ZFP28: variants seen among roughly 807,000 people sequenced by gnomAD.
The protein encoded by ZFP28 is ZFP28 zinc finger protein, also known as zinc finger protein 28 homolog.
In ZFP28, 31 loss-of-function variants were observed where a neutral mutation model predicts 39.5. The ratio of observed to expected loss-of-function variants is 0.79; its 90% CI spans 0.59 to 1.06. The LOEUF is 1.06. Among genes scored for constraint, ZFP28 ranks in the 50% least tolerant of loss-of-function variants. The pLI is 0.00. For missense variants in ZFP28, 925 were observed against 1,048.4 expected (o/e 0.88, Z 1.63); for synonymous variants, 400 against 378.6 (o/e 1.06, Z -0.66).
At chr19:56,539,856 A>T (rs2044179729) in intron 2 of ZFP28, 140 bp downstream of exon 2, 2 of 702,962 alleles carry the variant, frequency 2.8e-6, no homozygotes, top group African/African-American at 1.8e-5. Flanking sequence ...TAGTGAAGTG[A>T]TGGGCTACGG....
At chr19:56,550,423 T>A in intron 6 of ZFP28, 87 bp from the exon 7 acceptor site, 1 of 1,196,390 alleles carries the variant, frequency 8.4e-7, no homozygotes, top group Non-Finnish European at 1.2e-6. Flanking sequence ...CTTTCAGCAG[T>A]AACACTTTTC....
At chr19:56,550,849 C>T in intron 7 of ZFP28, 2 of 1,455,052 alleles carry the variant, frequency 1.4e-6, no homozygotes, top group Non-Finnish European at 1.8e-6. Flanking sequence ...GTATCATCCA[C>T]TTGCTTCCTT....
intron 7 of ZFP28, chr19:56,551,049 G>A (rs1301085672): frequency 1.7e-6 from 2 of 1,169,794 alleles, no homozygotes; most frequent in Non-Finnish European, 2.1e-6. Flanking sequence ...ACACATAAAT[G>A]TAAGCCATCA....
rs149009403 is a variant in ZFP28, at chr19:56,551,237, T to A, written c.898+632T>A. 2,175 of 986,938 alleles carry A rather than the reference T, an allele frequency of 2.2e-3. 16 individuals carry two copies. In the South Asian group the frequency reaches 0.032, roughly 14 times the overall value. 61.1% of individuals were successfully genotyped at this position (986,938 alleles called of 1,614,324 possible). On this transcript the variant is annotated intron_variant, in intron 7 of 7. Transcript: ENST00000301318. ...ATTGCAAGAAGGTGGAAGTAAAGGATCTTTTCCTCTTGATGCACAAGGGAA... is the reference window on the plus strand; with the variant it reads ...ATTGCAAGAAGGTGGAAGTAAAGGAACTTTTCCTCTTGATGCACAAGGGAA...
intron 7 of ZFP28, chr19:56,550,999 T>C: frequency 7.6e-7 from 1 of 1,312,198 alleles, no homozygotes; most frequent in Non-Finnish European, 9.7e-7. Context: ...ATTGAGCCAC[T>C]CTGCTGAGTA....
chr19:56,550,252 T>A, intron 6 of ZFP28, 71 bp downstream of exon 6: 1 of 1,413,184 alleles, frequency 7.1e-7, no homozygotes, highest in Non-Finnish European at 9.8e-7. Context: ...AGTTTTGAAT[T>A]ATGGAGGAGG....
intron 1 of ZFP28, 114 bp from the exon 2 acceptor site, chr19:56,539,511 C>T (rs2044175131): frequency 1.1e-6 from 1 of 908,862 alleles, no homozygotes; most frequent in Non-Finnish European, 1.7e-6. Flanking sequence ...TGTGGCAGTC[C>T]CTAGGCAGGG....
In ZFP28 at chr19:56,539,052, C is replaced by G. The variant is rs764610256; in HGVS notation, c.34C>G (p.Pro12Ala). ...RGAASASVRE[P>A]TPLPGRGAPR... ...GGCGGCGAGCGCGAGTGTCCGCGAGCCGACGCCGCTCCCGGGTAGAGGCGC... is the reference window on the plus strand; with the variant it reads ...GGCGGCGAGCGCGAGTGTCCGCGAGGCGACGCCGCTCCCGGGTAGAGGCGC... The change falls in exon 1 of 8, where the codon CCG becomes GCG. Residue 12 changes from proline (P) to alanine (A), a missense_variant. Coordinates refer to ENST00000301318, the MANE Select transcript of ZFP28 (RefSeq NM_020828.2). 17 of 1,498,656 alleles carry G rather than the reference C, an allele frequency of 1.1e-5. No individual in the cohort carries two copies. The East Asian group carries it at 3.9e-4, about 34-fold the overall frequency. 92.8% of individuals were successfully genotyped at this position (1,498,656 alleles called of 1,614,324 possible).
At chr19:56,541,835 T>A (rs142212811) in intron 2 of ZFP28, among the ~76,000 whole-genome samples, 1,889 of 149,700 alleles carry the variant, frequency 0.013, 142 homozygotes, top group Admixed American at 0.11. Context: ...GTTGAAATGA[T>A]TCTCCTTCCT....
rs1211928094 is a variant in ZFP28, at chr19:56,556,689, G to C, written c.*1297G>C. 1 of 151,800 alleles carries C rather than the reference G, an allele frequency of 6.6e-6. No individual in the cohort carries two copies. The highest frequency in any genetic ancestry group is 1.5e-5 in the Non-Finnish European group (1 of 67,942). 9.4% of individuals were successfully genotyped at this position (151,800 alleles called of 1,614,324 possible). ...TGAGGGCAATACAACTGTCACATCAGAAACAAGAAAACAAATGATAAAGGA... is the reference window on the plus strand; with the variant it reads ...TGAGGGCAATACAACTGTCACATCACAAACAAGAAAACAAATGATAAAGGA... On this transcript the variant is annotated 3_prime_UTR_variant, in exon 8 of 8. Coordinates refer to ENST00000301318, the MANE Select transcript of ZFP28 (RefSeq NM_020828.2).
At chr19:56,551,665 G>A (rs1391756850) in intron 7 of ZFP28, 1 of 985,244 alleles carries the variant, frequency 1.0e-6, no homozygotes, top group Non-Finnish European at 1.2e-6. Context: ...ATTGCATCTT[G>A]AAAGTATTGG....
upstream of ZFP28, chr19:56,538,805 GGCGGGGCGGGGCGGGGCGGGGCGGGGCA>G (rs2044160842): frequency 1.1e-5 from 1 of 93,144 alleles, no homozygotes; most frequent in East Asian, 3.6e-4. Context: ...GGCGGGGCGG[GGCGGGGCGGGGCGGGGCGGGGCGGGGCA>G]GCGGGGAGGG....
At chr19:56,549,151 G>A (rs772750097) in intron 5 of ZFP28, 30 bp downstream of exon 5, 7 of 1,585,376 alleles carry the variant, frequency 4.4e-6, no homozygotes, top group Non-Finnish European at 6.0e-6. Flanking sequence ...TCAGGCAAGA[G>A]GAAGGATCCT....
chr19:56,550,631 A>G (rs773007705), intron 7 of ZFP28, 26 bp downstream of exon 7: 6 of 1,613,174 alleles, frequency 3.7e-6, no homozygotes, highest in Non-Finnish European at 5.1e-6. Flanking sequence ...CCTGGTGTGG[A>G]AAATCTACTG....
At chr19:56,553,411 G>A (rs1198823447) in intron 7 of ZFP28, among the ~76,000 whole-genome samples, 1 of 152,016 alleles carries the variant, frequency 6.6e-6, no homozygotes, top group Admixed American at 6.6e-5. Flanking sequence ...TTTAGAGATA[G>A]GGTCTTGCTA....
In ZFP28 at chr19:56,539,053, C is replaced by G. The variant is rs911810652; in HGVS notation, c.35C>G (p.Pro12Arg). 3.1e-5 allele frequency: 46 copies of G among 1,498,990 alleles called. No homozygotes were observed. Among genetic ancestry groups the G allele is most frequent in the Middle Eastern group, 4.8e-4 (2 of 4,198 alleles). 92.9% of individuals were successfully genotyped at this position (1,498,990 alleles called of 1,614,324 possible). A position where few individuals can be genotyped will look rare whatever the true frequency, so the allele number is the denominator to read the frequency against. Residue 12 changes from proline (P) to arginine (R), a missense_variant, in exon 1 of 8, where the codon CCG becomes CGG. By Grantham distance (103) the Pro-to-Arg change is moderately radical. Coordinates refer to ENST00000301318, the MANE Select transcript of ZFP28 (RefSeq NM_020828.2). The stretch of plus-strand genomic sequence containing the variant: ...GCGGCGAGCGCGAGTGTCCGCGAGC[C>G]GACGCCGCTCCCGGGTAGAGGCGCC... ...RGAASASVRE[P>R]TPLPGRGAPR... is the part of the protein sequence containing the mutation.
chr19:56,551,442 G>A (rs781067232), intron 7 of ZFP28: 89 of 985,240 alleles, frequency 9.0e-5, no homozygotes, highest in Non-Finnish European at 1.0e-4. Context: ...ACGCATACAC[G>A]TTTTTCATGT....
chr19:56,556,380 CT>C lies in ZFP28; in HGVS notation c.*989del, dbSNP rs1468578104. 6.6e-6 allele frequency: 1 copy of C among 152,202 alleles called. No individual in the cohort carries two copies. Among genetic ancestry groups the C allele is most frequent in the Non-Finnish European group, 1.5e-5 (1 of 68,038 alleles). 9.4% of individuals were successfully genotyped at this position (152,202 alleles called of 1,614,324 possible). ...CATGTGGCCTGCAGAGCCCAAATAT[CT>C]ACTGTCTGATCCTACACAGAAAATG... On this transcript the variant is annotated 3_prime_UTR_variant, in exon 8 of 8. Transcript: ENST00000301318.
At chr19:56,551,824 C>T (rs1457055611) in intron 7 of ZFP28, 10 of 983,676 alleles carry the variant, frequency 1.0e-5, no homozygotes, top group Non-Finnish European at 1.1e-5. Flanking sequence ...ACCCAGTTCT[C>T]TCTTGTGTGT....
Sources: allele counts gnomAD v4.1 joint callset (sites outside exome capture counted in the v4.1 genomes callset), GRCh38; gene constraint gnomAD v4.1.1; transcripts MANE v1.5; gene names NCBI Gene and HGNC (gene_info 2026-07-23, HGNC 2026-07-21).